The following ZNF385D variants were observed in gnomAD, a reference collection of about 807,000 sequenced individuals.
ZNF385D encodes the protein zinc finger protein 659.
A neutral mutation model predicts 35.8 loss-of-function variants in ZNF385D; 15 were observed. That is an observed-to-expected ratio of 0.42 (90% CI 0.28 to 0.64). The LOEUF (loss-of-function observed/expected upper bound fraction) is 0.64, where lower values mean the gene tolerates loss of function less well. Ranked by LOEUF, ZNF385D falls within the 30% of genes least tolerant of loss-of-function variation. The pLI is 0.23. For synonymous variants in ZNF385D, 212 were observed against 186.8 expected, an observed-to-expected ratio of 1.13 and a Z score of -1.10; for missense variants, 474 against 494.6, an observed-to-expected ratio of 0.96 and a Z score of 0.39.
chr3:21,553,672 G>C (rs1384203965), intron 3 of ZNF385D, among the ~76,000 whole-genome samples: 2 of 152,098 alleles, frequency 1.3e-5, no homozygotes, highest in Non-Finnish European at 2.9e-5. Context: ...ATACACACTA[G>C]TACTGCTTTC....
chr3:21,691,688 A>G (rs1052993205), intron 1 of ZNF385D, among the ~76,000 whole-genome samples: 1 of 152,162 alleles, frequency 6.6e-6, no homozygotes, highest in Non-Finnish European at 1.5e-5. Flanking sequence ...GATCACATTC[A>G]TTCTCACAAT....
intron 2 of ZNF385D, among the ~76,000 whole-genome samples, chr3:22,257,701 T>G (rs1463601873): frequency 6.6e-6 from 1 of 151,880 alleles, no homozygotes; most frequent in Non-Finnish European, 1.5e-5. Flanking sequence ...CAATGCCTTT[T>G]AAATATTCAT....
chr3:21,557,776 G>A (rs185790220), intron 3 of ZNF385D, among the ~76,000 whole-genome samples: 1 of 152,264 alleles, frequency 6.6e-6, no homozygotes, highest in Admixed American at 6.5e-5. Context: ...ATTCGTCTGT[G>A]AATCCATCTG....
chr3:21,468,845 C>T (rs1429993874), intron 4 of ZNF385D, among the ~76,000 whole-genome samples: 3 of 152,054 alleles, frequency 2.0e-5, no homozygotes, highest in Admixed American at 6.5e-5. Flanking sequence ...AGGGTAATCG[C>T]TTGAACTTGG....
At chr3:21,814,455 C>T (rs1450118486) in intron 3 of ZNF385D, among the ~76,000 whole-genome samples, 2 of 152,094 alleles carry the variant, frequency 1.3e-5, no homozygotes, top group East Asian at 3.9e-4. Context: ...TGTGCAGAGA[C>T]ACAGATAGGC....
At position 21,820,846 on chromosome 3, in the gene ZNF385D, G is replaced by A. The variant is rs11925043; in HGVS notation, c.326-155818C>T. On this transcript the variant is annotated intron_variant, in intron 3 of 5. Transcript: ENST00000494108. ...ATAAGAACCAGAAGTCACCGAGACAGTAAAGACATTTAACAAAGAAATCTA... is the reference window on the plus strand; with the variant it reads ...ATAAGAACCAGAAGTCACCGAGACAATAAAGACATTTAACAAAGAAATCTA... 5.2e-3 allele frequency among the ~76,000 whole-genome samples: 795 copies of A among 151,474 alleles called. 12 individuals are homozygous for A. Among genetic ancestry groups the A allele is most frequent in the African/African-American group, 0.018 (746 of 41,372 alleles).
chr3:21,934,190 G>A (rs1312060342), intron 3 of ZNF385D, among the ~76,000 whole-genome samples: 5 of 152,082 alleles, frequency 3.3e-5, no homozygotes, highest in Non-Finnish European at 7.4e-5. Flanking sequence ...CAGTTCTGTT[G>A]AATCTTACTT....
chr3:21,640,465 T>G (rs746444045), intron 2 of ZNF385D, among the ~76,000 whole-genome samples: 1 of 152,188 alleles, frequency 6.6e-6, no homozygotes, highest in East Asian at 1.9e-4. Flanking sequence ...ACTTCCAGTG[T>G]TATGGTACTA....
At chr3:22,292,382 C>T (rs1488833695) in intron 2 of ZNF385D, among the ~76,000 whole-genome samples, 2 of 151,960 alleles carry the variant, frequency 1.3e-5, no homozygotes, top group Non-Finnish European at 2.9e-5. Flanking sequence ...AAGTGTTATA[C>T]AAAACTCTAA....
chr3:22,033,156 C>T (rs1175735186), intron 3 of ZNF385D, among the ~76,000 whole-genome samples: 1 of 152,070 alleles, frequency 6.6e-6, no homozygotes, highest in East Asian at 1.9e-4. Context: ...AACCCTAGCA[C>T]TTTAGGAGGC....
At chr3:22,002,272 A>G (rs1416183023) in intron 3 of ZNF385D, among the ~76,000 whole-genome samples, 1 of 152,142 alleles carries the variant, frequency 6.6e-6, no homozygotes, top group African/African-American at 2.4e-5. Flanking sequence ...TACAACTGAT[A>G]TCACAGAAAT....
At chr3:21,874,503 T>A (rs1327519217) in intron 3 of ZNF385D, among the ~76,000 whole-genome samples, 1 of 152,122 alleles carries the variant, frequency 6.6e-6, no homozygotes. Flanking sequence ...GCTTTTTAGT[T>A]AGATGTATTC....
chr3:21,431,092 C>G (rs1444805082), intron 5 of ZNF385D: 2 of 152,108 alleles, frequency 1.3e-5, no homozygotes, highest in Non-Finnish European at 2.9e-5. Flanking sequence ...CACATGTATA[C>G]TTTCAGAAAT....
At chr3:22,333,504 C>T (rs1353331070) in intron 2 of ZNF385D, among the ~76,000 whole-genome samples, 1 of 151,742 alleles carries the variant, frequency 6.6e-6, no homozygotes, top group Non-Finnish European at 1.5e-5. Context: ...CGTATAATTC[C>T]TATTAATTGG....
At chr3:22,092,790 T>G (rs1701400315) in intron 3 of ZNF385D, among the ~76,000 whole-genome samples, 1 of 152,156 alleles carries the variant, frequency 6.6e-6, no homozygotes, top group Non-Finnish European at 1.5e-5. Flanking sequence ...TCCTGACTGA[T>G]ATACCTCTTA....
intron 5 of ZNF385D, among the ~76,000 whole-genome samples, chr3:21,426,308 A>G (rs1701023793): frequency 1.3e-5 from 2 of 152,156 alleles, no homozygotes; most frequent in African/African-American, 4.8e-5. Context: ...ACAAATGACC[A>G]AGAAGATGAG....
intron 2 of ZNF385D, among the ~76,000 whole-genome samples, chr3:21,635,615 A>G (rs1474471365): frequency 2.0e-5 from 3 of 151,982 alleles, no homozygotes; most frequent in East Asian, 1.9e-4. Flanking sequence ...GTTTGGTTAC[A>G]TAAGTTCTTT....
intron 3 of ZNF385D, among the ~76,000 whole-genome samples, chr3:21,964,334 G>T (rs1463724560): frequency 8.2e-6 from 1 of 121,228 alleles, no homozygotes; most frequent in Non-Finnish European, 1.7e-5. Context: ...AAAAAAGAAA[G>T]AAAAATCCCT....
At position 22,367,758 on chromosome 3, in the gene ZNF385D, C is replaced by T. The variant is rs183252847; in HGVS notation, c.106+4692G>A. The stretch of plus-strand genomic sequence containing the variant: ...AGGAAAAAGAAGTCTCTAATAATCT[C>T]TTCTATTATACAAATTGCGGAGAAT... On this transcript the variant is annotated intron_variant, in intron 2 of 5. Coordinates refer to the ZNF385D transcript ENST00000494108. 1.2e-3 allele frequency among the ~76,000 whole-genome samples: 177 copies of T among 152,190 alleles called. 1 individual carries two copies. The highest frequency in any genetic ancestry group is 0.01 in the Middle Eastern group (3 of 294).
Sources: allele counts gnomAD v4.1 joint callset (sites outside exome capture counted in the v4.1 genomes callset), GRCh38; gene constraint gnomAD v4.1.1; transcripts MANE v1.5; gene names NCBI Gene and HGNC (gene_info 2026-07-23, HGNC 2026-07-21).